FSTL5: variants seen among roughly 807,000 people sequenced by gnomAD.
FSTL5 encodes follistatin like 5.
FSTL5 carries 62 observed loss-of-function variants against 89.1 expected under a neutral mutation model. The observed-to-expected ratio is 0.70, with a 90% CI of 0.57 to 0.86. The LOEUF (loss-of-function observed/expected upper bound fraction) is 0.86. Ranked by LOEUF, FSTL5 falls within the 40% of genes least tolerant of loss-of-function variation. FSTL5 has a pLI of 0.00. For synonymous variants in FSTL5, 383 were observed against 346.2 expected (o/e 1.11, Z -1.18); for missense variants, 1,057 against 1,001.6 (o/e 1.06, Z -0.75).
intron 3 of FSTL5, among the ~76,000 whole-genome samples, chr4:162,023,606 T>C (rs907908236): frequency 2.0e-5 from 3 of 152,192 alleles, no homozygotes; most frequent in Non-Finnish European, 4.4e-5. Flanking sequence ...AGTTCTAGAA[T>C]GAACTGACAC....
Position 161,500,125 on chromosome 4 carries a change from A to G in FSTL5, c.1349T>C (p.Ile450Thr). 6.3e-7 allele frequency: 1 copy of G among 1,576,074 alleles called. No individual in the cohort carries two copies. The highest frequency in any genetic ancestry group is 8.7e-7 in the Non-Finnish European group (1 of 1,149,378). The change falls in exon 12 of 16, where the codon ATT becomes ACT. Residue 450 changes from isoleucine (I) to threonine (T), a missense_variant. This residue lies in a region of FSTL5 where 980 missense variants were observed against 903.2 expected (regional missense o/e 1.08). Transcript: ENST00000306100. ...ATAAAAAACATAGAACATGTTCCCA[A>G]TTCCCAGACCTTAGGAATAAAAACA... The part of the protein sequence containing the change: ...NILWREEGLG[I>T]GNMFYVFYED...
In FSTL5 at chr4:161,538,208, C is replaced by T. The variant is rs1248014181; in HGVS notation, c.1270G>A (p.Asp424Asn). 6.2e-7 allele frequency: 1 copy of T among 1,614,036 alleles called. No individual in the cohort carries two copies. Among genetic ancestry groups the T allele is most frequent in the Admixed American group, 1.7e-5 (1 of 60,012 alleles). ...IAKNEAGVDE[D>N]ISSLFVEDSA... ...TCTTCCACAAAAAGAGAAGAGATGTCTTCATCCACTCCTGCTTCATTCTTT... is the reference window on the plus strand; with the variant it reads ...TCTTCCACAAAAAGAGAAGAGATGTTTTCATCCACTCCTGCTTCATTCTTT... Residue 424 changes from aspartate to asparagine, a missense_variant, in exon 10 of 16, where the codon GAC becomes AAC. Physicochemically the swap from Asp to Asn is conservative, Grantham distance 23. Transcript: ENST00000306100.
chr4:161,583,328 A>G (rs1483877364), intron 8 of FSTL5, among the ~76,000 whole-genome samples: 1 of 152,190 alleles, frequency 6.6e-6, no homozygotes, highest in Non-Finnish European at 1.5e-5. Flanking sequence ...ACAGGATGAG[A>G]CTGAGGGTAG....
chr4:161,624,692 TCTACCA>T (rs1735254124), intron 7 of FSTL5, among the ~76,000 whole-genome samples: 1 of 152,026 alleles, frequency 6.6e-6, no homozygotes, highest in Admixed American at 6.6e-5. Context: ...AAAAATATTA[TCTACCA>T]CTCTGCAATA....
intron 15 of FSTL5, chr4:161,387,499 T>C (rs1413276687): frequency 2.0e-5 from 3 of 152,040 alleles, no homozygotes; most frequent in Non-Finnish European, 2.9e-5. Flanking sequence ...TGTAATTATC[T>C]TTATGCTAAT....
intron 15 of FSTL5, among the ~76,000 whole-genome samples, chr4:161,404,959 G>A (rs190086510): frequency 1.1e-3 from 167 of 152,210 alleles, no homozygotes; most frequent in Middle Eastern, 6.8e-3. Context: ...AGCTGGGGGC[G>A]GTGGCTCATG....
At chr4:161,870,413 A>C (rs1035412183) in intron 4 of FSTL5, among the ~76,000 whole-genome samples, 1 of 152,084 alleles carries the variant, frequency 6.6e-6, no homozygotes, top group Non-Finnish European at 1.5e-5. Context: ...AAGAAAAAAC[A>C]AGTATCATGG....
intron 3 of FSTL5, among the ~76,000 whole-genome samples, chr4:162,004,203 C>T (rs1736546950): frequency 6.6e-6 from 1 of 152,106 alleles, no homozygotes; most frequent in African/African-American, 2.4e-5. Context: ...TGTACTCGTG[C>T]TCTTCTCTTT....
intron 3 of FSTL5, among the ~76,000 whole-genome samples, chr4:161,981,465 A>G (rs1034631273): frequency 3.9e-5 from 6 of 152,190 alleles, no homozygotes; most frequent in Admixed American, 1.3e-4. Flanking sequence ...AATTTTCACC[A>G]TTTCATGACC....
intron 3 of FSTL5, among the ~76,000 whole-genome samples, chr4:161,942,538 C>A (rs2110927358): frequency 6.6e-6 from 1 of 151,870 alleles, no homozygotes; most frequent in South Asian, 2.1e-4. Flanking sequence ...CAAATATAGC[C>A]CAGGAGCTCA....
intron 13 of FSTL5, among the ~76,000 whole-genome samples, chr4:161,476,096 T>TG (rs1734126296): frequency 6.9e-6 from 1 of 144,790 alleles, no homozygotes; most frequent in African/African-American, 2.5e-5. Context: ...ACTTTTTTTT[T>TG]TTGAAGACTA....
chr4:162,154,797 T>C (rs903019281), intron 1 of FSTL5, among the ~76,000 whole-genome samples: 7 of 151,926 alleles, frequency 4.6e-5, no homozygotes, highest in East Asian at 2.0e-4. Flanking sequence ...TATGAAGTAA[T>C]TGTAAACTAT....
At chr4:161,880,643 CCTAA>C (rs1450390968) in intron 4 of FSTL5, among the ~76,000 whole-genome samples, 1 of 152,090 alleles carries the variant, frequency 6.6e-6, no homozygotes, top group African/African-American at 2.4e-5. Context: ...AGAGAAGCAG[CCTAA>C]CTGTCCTTCA....
rs77686567 is a variant in FSTL5, at chr4:161,748,092, T to C, written c.727+11319A>G. Among the ~76,000 whole-genome samples, 897 of 152,196 alleles carry C rather than the reference T, an allele frequency of 5.9e-3. 5 individuals are homozygous for C. The highest frequency in any genetic ancestry group is 0.02 in the African/African-American group (817 of 41,530). ...TCGAATAAAACAATCAAAACATTGA[T>C]GAGTACTAATGAGTGGTATCAGGCA... is the stretch of plus-strand genomic sequence containing the variant. On this transcript the variant is annotated intron_variant, in intron 6 of 15. Coordinates refer to ENST00000306100, the MANE Select transcript of FSTL5 (RefSeq NM_020116.5).
intron 7 of FSTL5, among the ~76,000 whole-genome samples, chr4:161,627,686 C>G (rs951267786): frequency 6.6e-6 from 1 of 152,136 alleles, no homozygotes; most frequent in African/African-American, 2.4e-5. Context: ...CATTACTACA[C>G]TGCCTAAGTC....
intron 6 of FSTL5, among the ~76,000 whole-genome samples, chr4:161,681,613 T>A (rs1433785571): frequency 6.6e-6 from 1 of 152,064 alleles, no homozygotes; most frequent in African/African-American, 2.4e-5. Flanking sequence ...TTAAAAAATA[T>A]CTGTAACATA....
chr4:161,588,299 C>G (rs919792978), intron 7 of FSTL5, among the ~76,000 whole-genome samples: 1 of 152,008 alleles, frequency 6.6e-6, no homozygotes, highest in Non-Finnish European at 1.5e-5. Context: ...TAGTTATCTA[C>G]TACTTGTATA....
intron 4 of FSTL5, among the ~76,000 whole-genome samples, chr4:161,872,694 A>G (rs1481038537): frequency 1.3e-5 from 2 of 152,168 alleles, no homozygotes; most frequent in African/African-American, 4.8e-5. Flanking sequence ...GGTGAGCGAT[A>G]AAGGGCTGAG....
At chr4:161,879,903 T>C (rs116335332) in intron 4 of FSTL5, among the ~76,000 whole-genome samples, 1,886 of 152,334 alleles carry the variant, frequency 0.012, 17 homozygotes, top group Middle Eastern at 0.02. Context: ...AGTAGATTGA[T>C]AGCTCCATGG....
Sources: gnomAD v4.1 joint callset for allele counts (sites outside exome capture counted in the v4.1 genomes callset) on GRCh38, gnomAD v4.1.1 for gene constraint, gnomAD v4.1.1 regional missense constraint, MANE v1.5 for transcripts, NCBI Gene and HGNC (gene_info 2026-07-23, HGNC 2026-07-21) for gene names.